CSN3: variants seen among roughly 807,000 people sequenced by gnomAD.
CSN3 encodes the protein kappa-casein.
In CSN3, 7 loss-of-function variants were observed where a neutral mutation model predicts 9.9. The ratio of observed to expected loss-of-function variants is 0.71; its 90% CI spans 0.40 to 1.33. CSN3 has a LOEUF of 1.33. CSN3 is among the 40% of genes most tolerant of loss of function. The pLI is 0.01. For missense variants in CSN3, 253 were observed against 227.9 expected (o/e 1.11, Z -0.71); for synonymous variants, 88 against 82.3 (o/e 1.07, Z -0.37).
intron 3 of CSN3, among the ~76,000 whole-genome samples, 159 bp downstream of exon 3, chr4:70,248,009 G>A (rs1294658766): frequency 6.6e-6 from 1 of 152,028 alleles, no homozygotes; most frequent in Non-Finnish European, 1.5e-5. Flanking sequence ...AGCAACAGGT[G>A]ATATGAATCA....
upstream of CSN3, among the ~76,000 whole-genome samples, chr4:70,239,633 A>T (rs1251480521): frequency 6.6e-6 from 1 of 151,922 alleles, no homozygotes. Context: ...CAATCTGAAA[A>T]TAGTCTTTCT....
chr4:70,241,775 A>G (rs137880072), upstream of CSN3, among the ~76,000 whole-genome samples: 1 of 152,190 alleles, frequency 6.6e-6, no homozygotes, highest in East Asian at 1.9e-4. Context: ...ATTGAAATTT[A>G]AAATCTTAAA....
chr4:70,243,257 T>C (rs1730307499), intron 1 of CSN3: 2 of 594,044 alleles, frequency 3.4e-6, no homozygotes, highest in Non-Finnish European at 4.2e-6. Context: ...TTATAGAATA[T>C]TTTCTTTTGT....
chr4:70,240,696 C>A (rs1730256930), upstream of CSN3, among the ~76,000 whole-genome samples: 1 of 151,906 alleles, frequency 6.6e-6, no homozygotes, highest in Non-Finnish European at 1.5e-5. Context: ...GGGAAATATC[C>A]AATGTTACCA....
chr4:70,240,441 T>G (rs1352429843), upstream of CSN3, among the ~76,000 whole-genome samples: 1 of 151,982 alleles, frequency 6.6e-6, no homozygotes, highest in African/African-American at 2.4e-5. Context: ...CCCCTGTTGA[T>G]GGATGCATAA....
chr4:70,238,726 G>A (rs1730218223), upstream of CSN3, among the ~76,000 whole-genome samples: 1 of 151,844 alleles, frequency 6.6e-6, no homozygotes, highest in Non-Finnish European at 1.5e-5. Context: ...AGATTAGAAA[G>A]TGGTGTCAGA....
chr4:70,240,860 A>G (rs1730259478), upstream of CSN3, among the ~76,000 whole-genome samples: 1 of 152,004 alleles, frequency 6.6e-6, no homozygotes, highest in Non-Finnish European at 1.5e-5. Flanking sequence ...TATGTGCTCA[A>G]ATAATAATGT....
chr4:70,238,737 T>C (rs1038972725), upstream of CSN3, among the ~76,000 whole-genome samples: 10 of 151,584 alleles, frequency 6.6e-5, no homozygotes, highest in African/African-American at 2.2e-4. Flanking sequence ...TGGTGTCAGA[T>C]TTGGGGTATA....
intron 2 of CSN3, among the ~76,000 whole-genome samples, chr4:70,245,514 GA>G (rs1560496199): frequency 1.3e-5 from 2 of 152,252 alleles, no homozygotes; most frequent in Non-Finnish European, 2.9e-5. Context: ...ACTGGACTTA[GA>G]AAAAGGTTCT....
intron 1 of CSN3, among the ~76,000 whole-genome samples, chr4:70,244,018 C>T (rs1229352986): frequency 6.6e-6 from 1 of 152,008 alleles, no homozygotes; most frequent in Admixed American, 6.6e-5. Flanking sequence ...TCTCTAAGTT[C>T]AAACCCTGGT....
intron 3 of CSN3, among the ~76,000 whole-genome samples, chr4:70,248,330 A>G (rs1018066644): frequency 1.3e-5 from 2 of 152,102 alleles, no homozygotes; most frequent in Non-Finnish European, 1.5e-5. Context: ...AATTTTGTCA[A>G]TTTATTTCTA....
At chr4:70,249,346 C>A in exon 4 of CSN3, 1 of 1,614,068 alleles carries the variant, frequency 6.2e-7, no homozygotes, top group Non-Finnish European at 8.5e-7. Context: ...TACACCAGCT[C>A]CTGCCACTGA....
chr4:70,249,622 T>TA lies in CSN3; in HGVS notation c.*34+130dup, dbSNP rs1730447355. ...ACAGAAGCAGACAAAACAGGGTACTTACAGTTTTACCTTGGTAAACCCATA... is the reference window on the plus strand; with the variant it reads ...ACAGAAGCAGACAAAACAGGGTACTTAACAGTTTTACCTTGGTAAACCCATA... On this transcript the variant is annotated intron_variant, in intron 4 of 4. Transcript: ENST00000304954. The TA allele has an allele frequency of 9.6e-6, 6 of 623,786 alleles. 1 individual carries two copies. In the South Asian group the frequency reaches 1.3e-4, roughly 14 times the overall value. The allele number at this position is 623,786 out of a possible 1,614,324, so 38.6% of individuals were successfully genotyped here. A position where few individuals can be genotyped will look rare whatever the true frequency, so the allele number is the denominator to read the frequency against.
intron 2 of CSN3, 44 bp downstream of exon 2, chr4:70,244,917 A>C (rs1730346802): frequency 7.7e-7 from 1 of 1,291,810 alleles, no homozygotes. Context: ...CTTTAAGAAA[A>C]TTTTGTTTAA....
At chr4:70,245,071 G>A (rs1730353086) in intron 2 of CSN3, among the ~76,000 whole-genome samples, 198 bp downstream of exon 2, 1 of 151,866 alleles carries the variant, frequency 6.6e-6, no homozygotes, top group Non-Finnish European at 1.5e-5. Context: ...TATCCATTTA[G>A]TTCTGTGAAT....
chr4:70,247,120 C>A (rs779001145), intron 2 of CSN3, among the ~76,000 whole-genome samples: 3 of 152,052 alleles, frequency 2.0e-5, no homozygotes, highest in African/African-American at 4.8e-5. Context: ...TCATTTTATA[C>A]CCAAGGAATA....
rs1331613248 is a variant in CSN3 at position 70,244,373 on chromosome 4, T to C, written c.-8-439T>C. On this transcript the variant is annotated intron_variant, in intron 1 of 4. Coordinates refer to ENST00000304954, the Ensembl canonical transcript of CSN3. ...CTGTTAAATACTGCATAGGCAAGCC[T>C]CATCTATATGTCATTTTTTCCACAC... is the stretch of plus-strand genomic sequence containing the variant. Among the ~76,000 whole-genome samples, 4 of 152,076 alleles carry C rather than the reference T, an allele frequency of 2.6e-5. No homozygotes were observed. In the South Asian group the frequency reaches 6.2e-4, roughly 24 times the overall value.
chr4:70,241,410 G>A (rs1455898052), upstream of CSN3, among the ~76,000 whole-genome samples: 4 of 151,938 alleles, frequency 2.6e-5, no homozygotes, highest in Non-Finnish European at 5.9e-5. Flanking sequence ...TCTAAGACAT[G>A]CAATACTTCT....
At chr4:70,246,373 T>C (rs1382681705) in intron 2 of CSN3, among the ~76,000 whole-genome samples, 1 of 152,100 alleles carries the variant, frequency 6.6e-6, no homozygotes, top group Non-Finnish European at 1.5e-5. Flanking sequence ...AAAAGGCCAC[T>C]GGTATACAGA....
Sources: allele counts gnomAD v4.1 joint callset (sites outside exome capture counted in the v4.1 genomes callset), GRCh38; gene constraint gnomAD v4.1.1; transcripts MANE v1.5; gene names NCBI Gene and HGNC (gene_info 2026-07-23, HGNC 2026-07-21).